The following MTUS2 variants were observed in gnomAD, a reference collection of about 807,000 sequenced individuals.
The protein encoded by MTUS2 is microtubule associated scaffold protein 2, also known as microtubule-associated tumor suppressor candidate 2.
MTUS2 carries 40 observed loss-of-function variants against 114.1 expected under a neutral mutation model. That is an observed-to-expected ratio of 0.35 (90% confidence interval 0.27 to 0.46). The LOEUF is 0.46. Ranked by LOEUF, MTUS2 falls within the 20% of genes least tolerant of loss-of-function variation. The pLI, the probability that MTUS2 is intolerant of heterozygous loss-of-function variation, is 1.00. For missense variants in MTUS2, 1,679 were observed against 1,705.4 expected, an observed-to-expected ratio of 0.98 and a Z score of 0.27; for synonymous variants, 688 against 672.0, an observed-to-expected ratio of 1.02 and a Z score of -0.37.
intron 5 of MTUS2, among the ~76,000 whole-genome samples, chr13:29,157,814 A>ATAGATG (rs146902726): frequency 5.9e-5 from 9 of 151,774 alleles, no homozygotes; most frequent in Non-Finnish European, 1.3e-4. Context: ...AGATACAGAT[A>ATAGATG]TAGATGTAGA....
intron 2 of MTUS2, among the ~76,000 whole-genome samples, chr13:28,853,170 G>A (rs1876402826): frequency 6.6e-6 from 1 of 152,220 alleles, no homozygotes; most frequent in East Asian, 1.9e-4. Context: ...GGAGGGGACA[G>A]TTCAATGTAT....
intron 1 of MTUS2, among the ~76,000 whole-genome samples, chr13:28,826,080 T>C: frequency 6.6e-6 from 1 of 152,300 alleles, no homozygotes; most frequent in Non-Finnish European, 1.5e-5. Context: ...GTTGTATATA[T>C]TCTATATGTT....
chr13:29,486,487 C>T (rs1278689302), intron 10 of MTUS2, among the ~76,000 whole-genome samples: 1 of 152,150 alleles, frequency 6.6e-6, no homozygotes, highest in African/African-American at 2.4e-5. Context: ...TGTGAATTCT[C>T]CCCCAGAGAA....
intron 8 of MTUS2, among the ~76,000 whole-genome samples, chr13:29,367,440 A>G (rs1240530871): frequency 1.3e-5 from 2 of 152,156 alleles, no homozygotes; most frequent in Non-Finnish European, 2.9e-5. Flanking sequence ...GAGAGGAGGC[A>G]CTGGTGGAGG....
chr13:29,000,500 T>C (rs943061670), intron 2 of MTUS2, among the ~76,000 whole-genome samples: 1 of 151,962 alleles, frequency 6.6e-6, no homozygotes, highest in African/African-American at 2.4e-5. Context: ...GTAGCTGGGA[T>C]TATAGGTGCA....
intron 2 of MTUS2, among the ~76,000 whole-genome samples, chr13:29,012,817 T>C (rs1223497925): frequency 6.6e-6 from 1 of 151,668 alleles, no homozygotes; most frequent in African/African-American, 2.4e-5. Context: ...GAGGTTGCAG[T>C]GAGCCGAGAT....
intron 8 of MTUS2, among the ~76,000 whole-genome samples, chr13:29,361,072 A>G (rs1593348928): frequency 6.6e-6 from 1 of 152,194 alleles, no homozygotes; most frequent in Non-Finnish European, 1.5e-5. Context: ...AGTAACTGCC[A>G]AAATTAGGGG....
intron 2 of MTUS2, among the ~76,000 whole-genome samples, chr13:28,874,137 C>A (rs1039526209): frequency 6.6e-6 from 1 of 152,080 alleles, no homozygotes; most frequent in Non-Finnish European, 1.5e-5. Flanking sequence ...TCTGCCTCAG[C>A]CTCCCAAGTA....
chr13:29,049,069 G>T (rs1465294350), intron 4 of MTUS2, among the ~76,000 whole-genome samples: 1 of 152,200 alleles, frequency 6.6e-6, no homozygotes, highest in Non-Finnish European at 1.5e-5. Flanking sequence ...GAAAAAGAGT[G>T]TTGACCCTCT....
At chr13:29,031,680 A>G (rs1886838013) in intron 3 of MTUS2, among the ~76,000 whole-genome samples, 1 of 152,018 alleles carries the variant, frequency 6.6e-6, no homozygotes, top group African/African-American at 2.4e-5. Flanking sequence ...AGGTCTGCTG[A>G]TTTAAATGTT....
chr13:29,028,084 C>T (rs1452300988), intron 3 of MTUS2, among the ~76,000 whole-genome samples: 7 of 143,590 alleles, frequency 4.9e-5, no homozygotes, highest in East Asian at 3.9e-4. Context: ...CCAAGGACAG[C>T]GGCTCACACC....
chr13:28,974,019 A>T (rs1045905692), intron 2 of MTUS2, among the ~76,000 whole-genome samples: 1 of 152,176 alleles, frequency 6.6e-6, no homozygotes, highest in African/African-American at 2.4e-5. Flanking sequence ...AATGCATGGA[A>T]CAGTTCTTCA....
At chr13:29,453,636 A>C (rs1171426215) in intron 9 of MTUS2, among the ~76,000 whole-genome samples, 1 of 152,226 alleles carries the variant, frequency 6.6e-6, no homozygotes, top group Non-Finnish European at 1.5e-5. Flanking sequence ...GGAGTCAGTG[A>C]ACAAATGATT....
At chr13:29,352,319 C>T (rs1359205017) in intron 7 of MTUS2, among the ~76,000 whole-genome samples, 2 of 152,172 alleles carry the variant, frequency 1.3e-5, no homozygotes, top group African/African-American at 2.4e-5. Context: ...CTCAGTCTTC[C>T]GTAGCTCCAG....
At chr13:29,386,153 A>G (rs1028142932) in intron 8 of MTUS2, among the ~76,000 whole-genome samples, 4 of 152,212 alleles carry the variant, frequency 2.6e-5, no homozygotes. Context: ...ATCAGGAAAA[A>G]TCTTTCCTTT....
intron 4 of MTUS2, among the ~76,000 whole-genome samples, chr13:29,097,711 C>T (rs538901952): frequency 6.6e-6 from 1 of 152,236 alleles, no homozygotes; most frequent in South Asian, 2.1e-4. Context: ...ATGGTGGAAA[C>T]AGAGGGAGCT....
At chr13:28,869,105 T>G (rs1301755737) in intron 2 of MTUS2, among the ~76,000 whole-genome samples, 1 of 152,354 alleles carries the variant, frequency 6.6e-6, no homozygotes, top group African/African-American at 2.4e-5. Context: ...GATTTGATAA[T>G]CTGCACCCCA....
intron 7 of MTUS2, among the ~76,000 whole-genome samples, chr13:29,333,905 ATCT>A (rs1375887596): frequency 3.3e-5 from 5 of 152,002 alleles, no homozygotes; most frequent in Admixed American, 6.6e-5. Flanking sequence ...GAATGGTTAG[ATCT>A]TCTTGTTGCA....
At chr13:29,278,010 A>G (rs1012115012) in intron 5 of MTUS2, among the ~76,000 whole-genome samples, 1 of 152,218 alleles carries the variant, frequency 6.6e-6, no homozygotes, top group Non-Finnish European at 1.5e-5. Context: ...GCCCCAATAA[A>G]TCATGTTTGA....
Sources: gnomAD v4.1 joint callset for allele counts (sites outside exome capture counted in the v4.1 genomes callset) on GRCh38, gnomAD v4.1.1 for gene constraint, MANE v1.5 for transcripts, NCBI Gene and HGNC (gene_info 2026-07-23, HGNC 2026-07-21) for gene names.